The following SLC36A1 variants were observed in gnomAD, a reference collection of about 807,000 sequenced individuals.
SLC36A1 encodes solute carrier family 36 member 1.
A neutral mutation model predicts 47.5 loss-of-function variants in SLC36A1; 30 were observed. The observed-to-expected ratio is 0.63, with a 90% CI of 0.47 to 0.86. The LOEUF is 0.86. Among genes scored for constraint, SLC36A1 ranks in the 40% least tolerant of loss-of-function variants. The pLI, the probability that SLC36A1 is intolerant of heterozygous loss-of-function variation, is 0.00. For missense variants in SLC36A1, 517 were observed against 606.0 expected (o/e 0.85, Z 1.54); for synonymous variants, 255 against 249.7 (o/e 1.02, Z -0.20).
the SLC36A1 span, among the ~76,000 whole-genome samples, chr5:151,421,173 TCTCC>T: frequency 3.9e-5 from 3 of 77,860 alleles, no homozygotes; most frequent in South Asian, 6.3e-4. Context: ...ACGCCCTTTC[TCTCC>T]TTCCTTCCTT....
At chr5:151,438,570 T>G (rs1479542880) in intron 1 of SLC36A1, among the ~76,000 whole-genome samples, 1 of 152,234 alleles carries the variant, frequency 6.6e-6, no homozygotes, top group Non-Finnish European at 1.5e-5. Context: ...TGAGCTCCTG[T>G]GTGAGCAGCA....
At chr5:151,517,107 CAAAAAAA>C in the SLC36A1 span, among the ~76,000 whole-genome samples, 3 of 91,026 alleles carry the variant, frequency 3.3e-5, no homozygotes, top group South Asian at 3.3e-4. Flanking sequence ...GACTCCATCT[CAAAAAAA>C]AAAAAAAGAA....
At chr5:151,361,367 C>A in the SLC36A1 span, among the ~76,000 whole-genome samples, 1 of 152,172 alleles carries the variant, frequency 6.6e-6, no homozygotes, top group Non-Finnish European at 1.5e-5. Flanking sequence ...GCTGAACAAA[C>A]AACTCGAAAC....
chr5:151,456,128 A>G (rs1404450827), intron 1 of SLC36A1, among the ~76,000 whole-genome samples: 1 of 152,154 alleles, frequency 6.6e-6, no homozygotes, highest in Non-Finnish European at 1.5e-5. Context: ...GGAAGGTTCT[A>G]TCTTCAGATG....
the SLC36A1 span, chr5:151,521,738 C>T: frequency 2.5e-6 from 4 of 1,614,042 alleles, no homozygotes; most frequent in Non-Finnish European, 2.5e-6. Flanking sequence ...ACATGCCACA[C>T]GTACACATGG....
chr5:151,493,678 T>C (rs576186803), downstream of SLC36A1, among the ~76,000 whole-genome samples: 33 of 152,314 alleles, frequency 2.2e-4, no homozygotes, highest in Admixed American at 1.2e-3. Context: ...CAAAGAGATT[T>C]AGCAGCTACG....
chr5:151,355,189 T>A, the SLC36A1 span, among the ~76,000 whole-genome samples: 1 of 152,062 alleles, frequency 6.6e-6, no homozygotes, highest in Non-Finnish European at 1.5e-5. Flanking sequence ...TTTCCAAAAT[T>A]TTTTACTCTT....
chr5:151,467,193 C>A lies in SLC36A1; in HGVS notation c.420-6C>A. On this transcript the variant is annotated splice_polypyrimidine_tract_variant and splice_region_variant and intron_variant, in intron 5 of 10. Transcript: ENST00000243389. ...GTCTTTGTATTCCTTCCTTCCCCAC[C>A]TCCAGACGTGTTGTGGACTTCTTCC... The A allele has an allele frequency of 1.2e-6, 2 of 1,604,472 alleles. No individual in the cohort carries two copies. The highest frequency in any genetic ancestry group is 8.5e-7 in the Non-Finnish European group (1 of 1,173,448).
At chr5:151,388,052 A>G in the SLC36A1 span, among the ~76,000 whole-genome samples, 1 of 152,224 alleles carries the variant, frequency 6.6e-6, no homozygotes, top group Non-Finnish European at 1.5e-5. Context: ...AGGGGAAAAA[A>G]GTCTACATTC....
chr5:151,545,649 T>C, the SLC36A1 span: 1 of 1,614,110 alleles, frequency 6.2e-7, no homozygotes, highest in African/African-American at 1.3e-5. Flanking sequence ...AATCCATCTC[T>C]GATACAATGG....
At chr5:151,361,916 G>A in the SLC36A1 span, among the ~76,000 whole-genome samples, 27 of 151,956 alleles carry the variant, frequency 1.8e-4, no homozygotes, top group Non-Finnish European at 3.8e-4. Context: ...TGGCCTATAT[G>A]GTTTCCATTG....
At chr5:151,349,632 T>C in the SLC36A1 span, among the ~76,000 whole-genome samples, 2 of 152,110 alleles carry the variant, frequency 1.3e-5, no homozygotes, top group African/African-American at 4.8e-5. Context: ...CCAGCTTTTC[T>C]TGGGTGGGGC....
the SLC36A1 span, chr5:151,531,909 G>T: frequency 1.9e-6 from 3 of 1,614,204 alleles, no homozygotes; most frequent in Non-Finnish European, 2.5e-6. This position sits in a 1 kb window ranked among gnomAD's most constrained non-coding sequence, Gnocchi z 5.7. Context: ...CCGTGGTGGC[G>T]TCGATGGAAA....
the SLC36A1 span, chr5:151,381,400 C>T: frequency 0.48 from 80,933 of 167,190 alleles, 21,832 homozygotes; most frequent in African/African-American, 0.75. Flanking sequence ...ACCCCCAAGC[C>T]ATCTTTGTTC....
In SLC36A1 at chr5:151,467,180, C is replaced by G. The variant is rs192855467; in HGVS notation, c.420-19C>G. ...TTGTATTGTAACAGTCTTTGTATTC[C>G]TTCCTTCCCCACCTCCAGACGTGTT... On this transcript the variant is annotated intron_variant, in intron 5 of 10. Coordinates refer to ENST00000243389, the MANE Select transcript of SLC36A1 (RefSeq NM_078483.4). The G allele has an allele frequency of 8.4e-4, 1,317 of 1,577,178 alleles. 8 individuals carry two copies. The African/African-American group carries it at 0.017, about 20-fold the overall frequency.
At chr5:151,352,179 A>G in the SLC36A1 span, among the ~76,000 whole-genome samples, 5 of 152,132 alleles carry the variant, frequency 3.3e-5, no homozygotes, top group Admixed American at 3.3e-4. Flanking sequence ...AACTCTATCT[A>G]AAGGAGGACC....
chr5:151,550,669 T>A, the SLC36A1 span: 1 of 1,614,166 alleles, frequency 6.2e-7, no homozygotes, highest in Non-Finnish European at 8.5e-7. Context: ...ACTGCTTGGG[T>A]CCAGCTGGAA....
chr5:151,552,371 G>A, the SLC36A1 span, among the ~76,000 whole-genome samples: 7,272 of 152,254 alleles, frequency 0.048, 239 homozygotes, highest in East Asian at 0.087. Flanking sequence ...CCGTAAGCCA[G>A]AACTGGAAGT....
chr5:151,459,660 T>C (rs993105189), intron 2 of SLC36A1: 6 of 152,304 alleles, frequency 3.9e-5, no homozygotes, highest in Non-Finnish European at 8.8e-5. Context: ...CTTTTCTCTG[T>C]GTCCCAGCAT....
Sources: gnomAD v4.1 joint callset for allele counts (sites outside exome capture counted in the v4.1 genomes callset) on GRCh38, gnomAD v4.1.1 for gene constraint, Gnocchi (gnomAD v3.1) non-coding constraint, MANE v1.5 for transcripts, NCBI Gene and HGNC (gene_info 2026-07-23, HGNC 2026-07-21) for gene names.